LCOR: variants seen among roughly 807,000 people sequenced by gnomAD.
LCOR encodes ligand-dependent corepressor.
Under a neutral mutation model 64.4 loss-of-function variants are expected in LCOR, and 14 were observed. The observed-to-expected ratio is 0.22, with a 90% CI of 0.14 to 0.34. LCOR has a LOEUF of 0.34. Among genes scored for constraint, LCOR ranks in the 10% least tolerant of loss-of-function variants. LCOR has a pLI of 1.00. For missense variants in LCOR, 1,686 were observed against 1,765.3 expected (o/e 0.96, Z 0.80); for synonymous variants, 643 against 642.5 (o/e 1.00, Z -0.01).
intron 4 of LCOR, among the ~76,000 whole-genome samples, chr10:96,920,524 A>G (rs1158129068): frequency 4.2e-5 from 6 of 144,318 alleles, no homozygotes; most frequent in East Asian, 2.1e-4. Context: ...ATTCAGATAT[A>G]TGTGTATATA....
At chr10:96,951,514 A>G (rs1352977279) in intron 6 of LCOR, among the ~76,000 whole-genome samples, 1 of 152,122 alleles carries the variant, frequency 6.6e-6, no homozygotes, top group Non-Finnish European at 1.5e-5. Flanking sequence ...CTAGAAAACT[A>G]TTAGACACAC....
chr10:96,897,472 A>G (rs1008756007), intron 2 of LCOR, among the ~76,000 whole-genome samples: 13 of 152,326 alleles, frequency 8.5e-5, no homozygotes, highest in Non-Finnish European at 1.5e-4. Flanking sequence ...ACAGTTTGAT[A>G]TACTAGAAAA....
chr10:96,859,357 C>T (rs527653587), intron 2 of LCOR, among the ~76,000 whole-genome samples: 1 of 152,172 alleles, frequency 6.6e-6, no homozygotes, highest in East Asian at 1.9e-4. Context: ...TTACAGGCGC[C>T]TGCCACCACA....
In LCOR at chr10:96,990,719, TC is replaced by T. The variant is rs1848192634; in HGVS notation, c.*5587del. ...TGGGATTGAACCGAAGCTGCTCAGT[TC>T]CTTCCACTTACCTCCTCTCTGTCTG... On this transcript the variant is annotated 3_prime_UTR_variant, in exon 8 of 8. Coordinates refer to ENST00000421806, the MANE Select transcript of LCOR (RefSeq NM_001346516.2). 1 of 152,378 alleles carries T rather than the reference TC, an allele frequency of 6.6e-6. No homozygotes were observed. The highest frequency in any genetic ancestry group is 1.5e-5 in the Non-Finnish European group (1 of 68,216). 9.4% of individuals were successfully genotyped at this position (152,378 alleles called of 1,614,324 possible).
chr10:96,949,270 G>C lies in LCOR; in HGVS notation c.213G>C (p.Lys71Asn). The change falls in exon 6 of 8, where the codon AAG becomes AAC. Residue 71 changes from lysine (K) to asparagine (N), a missense_variant. By Grantham distance (94) the Lys-to-Asn change is moderately conservative. Around this residue, in one of 3 missense-constraint regions of LCOR, gnomAD observed 80 missense variants for 107.7 expected, o/e 0.74. Transcript: ENST00000421806. Reference protein sequence around the residue: ...QDSPLDLTVRKSQSEPSEQDG... With the variant: ...QDSPLDLTVRNSQSEPSEQDG... ...CACCTCTGGACCTTACTGTCAGAAA[G>C]TCTCAGTCAGAACCTAGCGAACAAG... The C allele has an allele frequency of 6.2e-7, 1 of 1,613,980 alleles. No individual in the cohort carries two copies. The highest frequency in any genetic ancestry group is 8.5e-7 in the Non-Finnish European group (1 of 1,179,968).
intron 7 of LCOR, among the ~76,000 whole-genome samples, chr10:96,978,933 A>G (rs976663026): frequency 6.6e-6 from 1 of 152,250 alleles, no homozygotes; most frequent in Non-Finnish European, 1.5e-5. Context: ...TTCAGTCCCA[A>G]CTTACAGATG....
chr10:96,863,195 T>C (rs1238720709), intron 2 of LCOR, among the ~76,000 whole-genome samples: 1 of 148,300 alleles, frequency 6.7e-6, no homozygotes, highest in Non-Finnish European at 1.5e-5. Flanking sequence ...AGTAATATGT[T>C]TTCTTTTTCT....
intron 2 of LCOR, among the ~76,000 whole-genome samples, chr10:96,903,564 C>CA (rs1846679348): frequency 6.6e-6 from 1 of 152,032 alleles, no homozygotes; most frequent in Non-Finnish European, 1.5e-5. Context: ...CTGGTTATCT[C>CA]AGAGGAGAGG....
chr10:96,972,592 G>C (rs542666494), intron 7 of LCOR, among the ~76,000 whole-genome samples: 1 of 152,210 alleles, frequency 6.6e-6, no homozygotes, highest in African/African-American at 2.4e-5. Context: ...GAATCTTCTT[G>C]ATAGTTATAT....
At chr10:96,960,096 C>G (rs1010783009) in intron 7 of LCOR, 3 of 152,108 alleles carry the variant, frequency 2.0e-5, no homozygotes, top group East Asian at 3.8e-4. Context: ...TTGGAGAGAA[C>G]TCTAAATTAG....
chr10:96,981,741 C>T lies in LCOR; in HGVS notation c.1281C>T (p.Gly427=). 1 of 1,614,194 alleles carries T rather than the reference C, an allele frequency of 6.2e-7. No individual in the cohort carries two copies. Among genetic ancestry groups the T allele is most frequent in the Non-Finnish European group, 8.5e-7 (1 of 1,180,042 alleles). ...DHSKDGWLGP[G]PMPAVHKAAN... The stretch of plus-strand genomic sequence containing the variant: ...CCAAAGATGGTTGGTTAGGCCCCGG[C>T]CCTATGCCAGCTGTACACAAAGCGG... Residue 427 remains glycine (G), a synonymous_variant, in exon 8 of 8, where the codon GGC becomes GGT. Coordinates refer to ENST00000421806, the MANE Select transcript of LCOR (RefSeq NM_001346516.2).
chr10:96,985,725 CT>C lies in LCOR; in HGVS notation c.*595del. Reference sequence around the variant, plus strand: ...AAAAGATTACTATTTCTGTTACCCCCTTTTAAAAAAGATCATGTTCATTGTT... The same window carrying C: ...AAAAGATTACTATTTCTGTTACCCCCTTTAAAAAAGATCATGTTCATTGTT... On this transcript the variant is annotated 3_prime_UTR_variant, in exon 8 of 8. Transcript: ENST00000421806. 1 of 166,840 alleles carries C rather than the reference CT, an allele frequency of 6.0e-6. No homozygotes were observed. The allele number at this position is 166,840 out of a possible 1,614,324, so 10.3% of individuals were successfully genotyped here. A position where few individuals can be genotyped will look rare whatever the true frequency, so the allele number is the denominator to read the frequency against.
intron 2 of LCOR, among the ~76,000 whole-genome samples, chr10:96,888,866 T>C (rs1005357030): frequency 6.6e-6 from 1 of 152,234 alleles, no homozygotes; most frequent in Non-Finnish European, 1.5e-5. Context: ...ATTCATTTGC[T>C]ATAGTTATGT....
At chr10:96,833,030 A>C in intron 1 of LCOR, 4 of 985,590 alleles carry the variant, frequency 4.1e-6, no homozygotes, top group Non-Finnish European at 4.8e-6. Flanking sequence ...TGACCGAGCC[A>C]AGTGGGGTGT....
At chr10:96,908,934 C>T (rs1170672062) in intron 4 of LCOR, among the ~76,000 whole-genome samples, 1 of 152,042 alleles carries the variant, frequency 6.6e-6, no homozygotes, top group Non-Finnish European at 1.5e-5. Flanking sequence ...CCAGGATGGT[C>T]TCGATCTCCT....
chr10:96,844,564 C>T (rs1845595406), intron 2 of LCOR, among the ~76,000 whole-genome samples: 2 of 152,142 alleles, frequency 1.3e-5, no homozygotes, highest in Non-Finnish European at 2.9e-5. Context: ...TACCTTGCCT[C>T]CTTCTCTTCA....
At chr10:96,864,923 C>G (rs949037482) in intron 2 of LCOR, among the ~76,000 whole-genome samples, 1 of 152,118 alleles carries the variant, frequency 6.6e-6, no homozygotes, top group African/African-American at 2.4e-5. Flanking sequence ...CAGACCATAT[C>G]CTTGTTGTTA....
At chr10:96,948,903 A>G (rs1847630565) in intron 5 of LCOR, 105 bp from the exon 6 acceptor site, 1 of 845,708 alleles carries the variant, frequency 1.2e-6, no homozygotes, top group Middle Eastern at 3.6e-4. Context: ...TATTTTTAAG[A>G]TAACTGCATT....
chr10:96,853,093 C>T (rs953590755), intron 2 of LCOR, among the ~76,000 whole-genome samples: 4 of 152,194 alleles, frequency 2.6e-5, no homozygotes, highest in Non-Finnish European at 4.4e-5. Context: ...GTTGCCCAGG[C>T]TGGAGTGCAG....
Sources: gnomAD v4.1 joint callset for allele counts (sites outside exome capture counted in the v4.1 genomes callset) on GRCh38, gnomAD v4.1.1 for gene constraint, gnomAD v4.1.1 regional missense constraint, MANE v1.5 for transcripts, NCBI Gene and HGNC (gene_info 2026-07-23, HGNC 2026-07-21) for gene names.